Variants in IMPA2 observed in about 807,000 individuals in gnomAD.
IMPA2 encodes IMP 2.
IMPA2 carries 32 observed loss-of-function variants against 35.1 expected under a neutral mutation model. The ratio of observed to expected loss-of-function variants is 0.91; its 90% CI spans 0.69 to 1.23. IMPA2 has a LOEUF of 1.23. Ranked by LOEUF, IMPA2 falls within the 50% of genes most tolerant of loss-of-function variation. The probability of loss-of-function intolerance (pLI) is 0.00; values close to 1 mark genes in which losing one functional copy is unlikely to be tolerated. For missense variants in IMPA2, 334 were observed against 387.6 expected, an observed-to-expected ratio of 0.86 and a Z score of 1.16; for synonymous variants, 135 against 160.6, an observed-to-expected ratio of 0.84 and a Z score of 1.20.
intron 5 of IMPA2, among the ~76,000 whole-genome samples, chr18:12,025,162 C>T (rs1907846222): frequency 6.6e-6 from 1 of 152,190 alleles, no homozygotes; most frequent in African/African-American, 2.4e-5. Context: ...GCTTCTTTCA[C>T]CCAGCAATAT....
rs747334850 is a variant in IMPA2 at position 12,030,369 on chromosome 18, A to G, written c.778A>G (p.Arg260Gly). The change falls in exon 8 of 8, where the codon AGA (arginine) becomes GGA (glycine). Residue 260 changes from arginine (R) to glycine (G), a missense_variant. Arg to Gly is a moderately radical substitution (Grantham distance 125). Coordinates refer to ENST00000269159, the MANE Select transcript of IMPA2 (RefSeq NM_014214.3). ...TGGACCCCTCGACCTCATGGCTTGCAGAGTGGTTGCGGCCAGCACCCGGGA... is the reference window on the plus strand; with the variant it reads ...TGGACCCCTCGACCTCATGGCTTGCGGAGTGGTTGCGGCCAGCACCCGGGA... ...SGGPLDLMAC[R>G]VVAASTREMA... is the part of the protein sequence containing the mutation. The G allele has an allele frequency of 6.2e-7, 1 of 1,614,180 alleles. No individual in the cohort carries two copies. Among genetic ancestry groups the G allele is most frequent in the Non-Finnish European group, 8.5e-7 (1 of 1,180,032 alleles).
intron 4 of IMPA2, among the ~76,000 whole-genome samples, chr18:12,013,020 G>A (rs188573526): frequency 5.3e-5 from 8 of 152,314 alleles, no homozygotes; most frequent in Admixed American, 5.2e-4. Context: ...TGCAATGATT[G>A]ACGTCTTTCT....
At chr18:11,999,313 G>C (rs933929195) in intron 2 of IMPA2, 126 bp downstream of exon 2, 1 of 815,278 alleles carries the variant, frequency 1.2e-6, no homozygotes, top group Non-Finnish European at 1.9e-6. Context: ...CCTAAGCCAC[G>C]CAGCCTAACC....
At chr18:11,982,248 C>T (rs1390817092) in intron 1 of IMPA2, among the ~76,000 whole-genome samples, 1 of 152,184 alleles carries the variant, frequency 6.6e-6, no homozygotes, top group African/African-American at 2.4e-5. Flanking sequence ...GCGACGGCCA[C>T]GGACTCAGAG....
intron 2 of IMPA2, among the ~76,000 whole-genome samples, chr18:12,008,742 G>A (rs1392252975): frequency 1.3e-5 from 2 of 152,308 alleles, no homozygotes; most frequent in Admixed American, 6.5e-5. Flanking sequence ...GTTGCCATTC[G>A]TGGAGGTAGA....
intron 2 of IMPA2, among the ~76,000 whole-genome samples, chr18:12,003,384 A>G (rs6505703): frequency 0.56 from 85,717 of 151,748 alleles, 28,013 homozygotes; most frequent in African/African-American, 0.88. Context: ...AGAGGCTCAC[A>G]CCTGTAATCC....
At chr18:12,004,792 T>G (rs1186816041) in intron 2 of IMPA2, among the ~76,000 whole-genome samples, 1 of 152,206 alleles carries the variant, frequency 6.6e-6, no homozygotes, top group Non-Finnish European at 1.5e-5. Context: ...CCCAAAGTGC[T>G]GGGATTACAG....
chr18:12,006,890 G>A (rs968068850), intron 2 of IMPA2, among the ~76,000 whole-genome samples: 1 of 152,082 alleles, frequency 6.6e-6, no homozygotes, highest in Non-Finnish European at 1.5e-5. Flanking sequence ...CCAGCACTTT[G>A]GGAGCCTGAG....
intron 1 of IMPA2, among the ~76,000 whole-genome samples, chr18:11,988,328 A>G (rs1906723760): frequency 6.6e-6 from 1 of 152,090 alleles, no homozygotes; most frequent in African/African-American, 2.4e-5. Context: ...CTTTGATATT[A>G]TTTGCTTTTA....
intron 6 of IMPA2, 47 bp from the exon 7 acceptor site, chr18:12,028,795 A>AAAGGCTCCACTCC (rs1191759703): frequency 1.3e-5 from 20 of 1,592,054 alleles, no homozygotes; most frequent in Non-Finnish European, 1.7e-5. Flanking sequence ...ACACCACAGA[A>AAAGGCTCCACTCC]AAGGCTCCAC....
At chr18:12,004,316 G>C (rs1459784545) in intron 2 of IMPA2, among the ~76,000 whole-genome samples, 1 of 152,180 alleles carries the variant, frequency 6.6e-6, no homozygotes, top group Admixed American at 6.5e-5. Flanking sequence ...AAGGCACTCA[G>C]CTGTCAAAAT....
intron 2 of IMPA2, among the ~76,000 whole-genome samples, chr18:12,007,628 C>CTTCTTTCTTTCT (rs71172044): frequency 0.065 from 7,535 of 116,552 alleles, 349 homozygotes; most frequent in East Asian, 0.13. Flanking sequence ...CTTTTTCTTT[C>CTTCTTTCTTTCT]TTCTTTCTTT....
intron 1 of IMPA2, among the ~76,000 whole-genome samples, chr18:11,986,559 G>A (rs567582911): frequency 2.0e-5 from 3 of 152,286 alleles, no homozygotes; most frequent in Admixed American, 1.3e-4. Context: ...CTCTGGACCC[G>A]TGTCCCCACT....
intron 2 of IMPA2, chr18:12,008,667 A>T (rs1907347742): frequency 2.4e-6 from 1 of 418,730 alleles, no homozygotes; most frequent in Non-Finnish European, 4.8e-6. Context: ...TGCAGGAGGA[A>T]GGGTGACAGT....
intron 5 of IMPA2, among the ~76,000 whole-genome samples, chr18:12,016,173 T>A (rs1907572738): frequency 6.6e-6 from 1 of 152,122 alleles, no homozygotes; most frequent in Non-Finnish European, 1.5e-5. Context: ...TGTCTGGTAT[T>A]CTTCTGTTCC....
At position 12,014,340 on chromosome 18, in the gene IMPA2, A is replaced by G. The variant is rs761001457; in HGVS notation, c.457A>G (p.Asn153Asp). 1 of 1,607,068 alleles carries G rather than the reference A, an allele frequency of 6.2e-7. No homozygotes were observed. Among genetic ancestry groups the G allele is most frequent in the East Asian group, 2.3e-5 (1 of 44,280 alleles). The change falls in exon 5 of 8, where the codon AAT becomes GAT. Residue 153 changes from asparagine to aspartate, a missense_variant. Transcript: ENST00000269159. Reference protein sequence around the residue: ...TGRRGRGAFCNGQRLRVSGET... With the variant: ...TGRRGRGAFCDGQRLRVSGET... ...CCGGCGGGGTCGGGGCGCCTTCTGC[A>G]ATGGCCAGCGGCTCCGGGTCTCCGG... is the stretch of plus-strand genomic sequence containing the variant.
chr18:12,029,186 T>C (rs1019537419), intron 7 of IMPA2, among the ~76,000 whole-genome samples, 193 bp downstream of exon 7: 6 of 142,866 alleles, frequency 4.2e-5, no homozygotes, highest in African/African-American at 1.6e-4. Flanking sequence ...CAATCTCGGC[T>C]CACTGCAACC....
intron 1 of IMPA2, chr18:11,994,022 G>A (rs1284079719): frequency 6.6e-6 from 1 of 152,180 alleles, no homozygotes; most frequent in African/African-American, 2.4e-5. Context: ...CACAAAGAAA[G>A]TCATCAGAGA....
chr18:12,024,120 G>C (rs570273051), intron 5 of IMPA2, among the ~76,000 whole-genome samples: 22 of 152,312 alleles, frequency 1.4e-4, no homozygotes, highest in Admixed American at 7.8e-4. Flanking sequence ...TGCAGTTATT[G>C]CACCAGATGG....
Sources: allele counts gnomAD v4.1 joint callset (sites outside exome capture counted in the v4.1 genomes callset), GRCh38; gene constraint gnomAD v4.1.1; transcripts MANE v1.5; gene names NCBI Gene and HGNC (gene_info 2026-07-23, HGNC 2026-07-21).